Variants in RNF214 observed in about 807,000 individuals in gnomAD.
The protein encoded by RNF214 is ring finger protein 214.
In RNF214, 25 loss-of-function variants were observed where a neutral mutation model predicts 75.9. The observed-to-expected ratio is 0.33, with a 90% confidence interval of 0.24 to 0.46. The LOEUF (loss-of-function observed/expected upper bound fraction) is 0.46. Among genes scored for constraint, RNF214 ranks in the 20% least tolerant of loss-of-function variants. RNF214 has a pLI of 1.00. For missense variants in RNF214, 725 were observed against 857.5 expected (o/e 0.85, Z 1.93); for synonymous variants, 314 against 308.8 (o/e 1.02, Z -0.18).
At chr11:117,249,227 T>C (rs538245722) in intron 6 of RNF214, among the ~76,000 whole-genome samples, 121 of 152,246 alleles carry the variant, frequency 7.9e-4, no homozygotes, top group South Asian at 2.3e-3. Context: ...GCCCAGCCTT[T>C]TTTTAATTTT....
chr11:117,282,907 G>T lies in RNF214; in HGVS notation c.1950+57G>T, dbSNP rs1351341108. ...TGGAGAAGCTGGAGGTGAGGAAGGA[G>T]TGGGTTTACAGGTGGAGTGCAGGAA... On this transcript the variant is annotated intron_variant, in intron 13 of 14. Transcript: ENST00000300650. 3 of 1,393,416 alleles carry T rather than the reference G, an allele frequency of 2.2e-6. No homozygotes were observed. The African/African-American group carries it at 4.2e-5, about 20-fold the overall frequency. The allele number at this position is 1,393,416 out of a possible 1,614,324, so 86.3% of individuals were successfully genotyped here.
At position 117,282,139 on chromosome 11, in the gene RNF214, T is replaced by C. The variant is rs772795709; in HGVS notation, c.1581T>C (p.Pro527=). The C allele has an allele frequency of 6.2e-7, 1 of 1,614,020 alleles. No individual in the cohort carries two copies. Among genetic ancestry groups the C allele is most frequent in the Non-Finnish European group, 8.5e-7 (1 of 1,179,940 alleles). ...GCCCCCACGGTCCACACATGCCCCCTGCCGCCTCCATCCCACCTCCCCCAG... is the reference window on the plus strand; with the variant it reads ...GCCCCCACGGTCCACACATGCCCCCCGCCGCCTCCATCCCACCTCCCCCAG... ...LVSPHGPHMP[P]AASIPPPPGL... is the part of the protein sequence containing the mutation. Residue 527 remains proline, a synonymous_variant, in exon 11 of 15, where the codon CCT becomes CCC. Coordinates refer to ENST00000300650, the MANE Select transcript of RNF214 (RefSeq NM_207343.4).
At chr11:117,279,633 G>A (rs577055036) in intron 6 of RNF214, among the ~76,000 whole-genome samples, 6 of 152,196 alleles carry the variant, frequency 3.9e-5, no homozygotes, top group African/African-American at 1.4e-4. Flanking sequence ...CACCACGCCC[G>A]GTCACAACGT....
Position 117,281,975 on chromosome 11 carries a change from C to T in RNF214, c.1417C>T (p.Pro473Ser). The T allele has an allele frequency of 6.2e-7, 1 of 1,614,142 alleles. No individual in the cohort carries two copies. The highest frequency in any genetic ancestry group is 8.5e-7 in the Non-Finnish European group (1 of 1,180,020). ...MPFSIGQVTM[P>S]MVMPSADPRS... Reference sequence around the variant, plus strand: ...CTTCTCCATTGGGCAGGTCACAATGCCCATGGTTATGCCCAGTGCAGATCC... The same window carrying T: ...CTTCTCCATTGGGCAGGTCACAATGTCCATGGTTATGCCCAGTGCAGATCC... The change falls in exon 11 of 15, where the codon CCC becomes TCC. Residue 473 changes from proline to serine, a missense_variant. Around this residue, in one of 2 missense-constraint regions of RNF214, gnomAD observed 363 missense variants for 513.0 expected, o/e 0.71. Transcript: ENST00000300650.
rs1246194449 is a variant in RNF214, at chr11:117,285,137, C to T, written c.2098C>T (p.Pro700Ser). ...CACAAATGACACTTGTCCCTTTTGT[C>T]CAACTCTTAAATGACGGACCTGACT... ...TNTNDTCPFC[P>S]TLK Residue 700 changes from proline to serine, a missense_variant, in exon 15 of 15, where the codon CCA becomes TCA. Pro to Ser is a moderately conservative substitution (Grantham distance 74). This residue lies in a region of RNF214 where 363 missense variants were observed against 513.0 expected (regional missense o/e 0.71). Transcript: ENST00000300650. The T allele has an allele frequency of 6.2e-7, 1 of 1,611,314 alleles. No individual in the cohort carries two copies. Among genetic ancestry groups the T allele is most frequent in the Non-Finnish European group, 8.5e-7 (1 of 1,177,714 alleles).
chr11:117,259,405 A>G (rs1257378290), intron 6 of RNF214, among the ~76,000 whole-genome samples: 5 of 152,234 alleles, frequency 3.3e-5, no homozygotes, highest in Non-Finnish European at 7.3e-5. Flanking sequence ...GACTTCAAAC[A>G]TATTCTTTTA....
chr11:117,282,297 A>G, intron 11 of RNF214, 27 bp downstream of exon 11: 1 of 1,579,864 alleles, frequency 6.3e-7, no homozygotes, highest in Non-Finnish European at 8.6e-7. Context: ...ACTGATTCAG[A>G]TGTCTCTATC....
chr11:117,267,877 A>G (rs1177090417), intron 6 of RNF214, among the ~76,000 whole-genome samples: 1 of 152,226 alleles, frequency 6.6e-6, no homozygotes, highest in Non-Finnish European at 1.5e-5. Flanking sequence ...CAATTTAAAA[A>G]ATGAAAATCT....
chr11:117,260,991 A>G (rs1473818281), intron 6 of RNF214, among the ~76,000 whole-genome samples: 2 of 151,198 alleles, frequency 1.3e-5, no homozygotes, highest in African/African-American at 4.9e-5. Flanking sequence ...ATCTCTGAGT[A>G]CACACAGTTT....
chr11:117,280,009 G>GAA lies in RNF214; in HGVS notation c.1056+6_1056+7dup, dbSNP rs1286742387. 51 of 1,604,100 alleles carry GAA rather than the reference G, an allele frequency of 3.2e-5. No individual in the cohort carries two copies. The highest frequency in any genetic ancestry group is 4.3e-5 in the Non-Finnish European group (51 of 1,173,112). On this transcript the variant is annotated splice_donor_region_variant and intron_variant, in intron 7 of 14. Transcript: ENST00000300650. ...GAACGGGCCTGGAAGGCAGAGGTGAGAAGAGGAGCTGATATCTTGAAAGTC... is the reference window on the plus strand; with the variant it reads ...GAACGGGCCTGGAAGGCAGAGGTGAGAAAAGAGGAGCTGATATCTTGAAAGTC...
chr11:117,266,973 CAA>C (rs34374425), intron 6 of RNF214, among the ~76,000 whole-genome samples: 16 of 79,856 alleles, frequency 2.0e-4, no homozygotes, highest in Non-Finnish European at 2.5e-4. Context: ...TCCTGCCTCA[CAA>C]AAAAAAAAAA....
rs1198464003 is a variant in RNF214 at position 117,283,242 on chromosome 11, AC to A, written c.2046+33del. On this transcript the variant is annotated intron_variant, in intron 14 of 14. Coordinates refer to ENST00000300650, the MANE Select transcript of RNF214 (RefSeq NM_207343.4). ...GTTACAGACCTTCCTCATTTTCTACACTTTTTCTTCTGACAGCTAAAATAAT... is the reference window on the plus strand; with the variant it reads ...GTTACAGACCTTCCTCATTTTCTACATTTTTCTTCTGACAGCTAAAATAAT... The A allele has an allele frequency of 2.9e-6, 4 of 1,402,650 alleles. No homozygotes were observed. In the South Asian group the frequency reaches 4.9e-5, roughly 17 times the overall value. 86.9% of individuals were successfully genotyped at this position (1,402,650 alleles called of 1,614,324 possible). A position where few individuals can be genotyped will look rare whatever the true frequency, so the allele number is the denominator to read the frequency against.
At position 117,285,001 on chromosome 11, in the gene RNF214, G is replaced by A. The variant is rs992840076; in HGVS notation, c.2047-85G>A. 4.2e-6 allele frequency: 4 copies of A among 951,062 alleles called. No individual in the cohort carries two copies. The African/African-American group carries it at 4.9e-5, about 12-fold the overall frequency. 58.9% of individuals were successfully genotyped at this position (951,062 alleles called of 1,614,324 possible). ...CAGTGTAAGAACTTTTCTGACTTAG[G>A]CCTTGTTGAACCTTATTGGCATTCT... On this transcript the variant is annotated intron_variant, in intron 14 of 14. Coordinates refer to ENST00000300650, the MANE Select transcript of RNF214 (RefSeq NM_207343.4).
At chr11:117,280,300 T>C in intron 8 of RNF214, 41 bp downstream of exon 8, 1 of 1,205,120 alleles carries the variant, frequency 8.3e-7, no homozygotes, top group South Asian at 1.3e-5. Context: ...TGTTTTGCAG[T>C]TTGTTTGTTT....
intron 6 of RNF214, among the ~76,000 whole-genome samples, chr11:117,269,262 A>G (rs1485336492): frequency 6.6e-6 from 1 of 152,202 alleles, no homozygotes; most frequent in Admixed American, 6.6e-5. Flanking sequence ...GAAAAATAAA[A>G]AAAAGAATGA....
At chr11:117,265,663 C>T (rs1044557048) in intron 6 of RNF214, among the ~76,000 whole-genome samples, 8 of 152,176 alleles carry the variant, frequency 5.3e-5, no homozygotes, top group African/African-American at 1.9e-4. Flanking sequence ...GATCCGCTCG[C>T]CTTGGCCTCC....
At position 117,249,139 on chromosome 11, in the gene RNF214, A is replaced by G. The variant is rs547074279; in HGVS notation, c.959+2191A>G. Among the ~76,000 whole-genome samples the G allele has an allele frequency of 8.5e-5, 13 of 152,228 alleles. No homozygotes were observed. The South Asian group carries it at 2.7e-3, about 32-fold the overall frequency. On this transcript the variant is annotated intron_variant, in intron 6 of 14. Transcript: ENST00000300650. ...GAGAATCTCACTCGTTGACCAGGCT[A>G]ATCTCAAACTTCTGGCTTCAAGCGA...
intron 6 of RNF214, among the ~76,000 whole-genome samples, chr11:117,252,536 T>C (rs2134378713): frequency 6.6e-6 from 1 of 152,328 alleles, no homozygotes; most frequent in South Asian, 2.1e-4. Flanking sequence ...ATTTTTTTTT[T>C]TTGAGACGGA....
intron 6 of RNF214, among the ~76,000 whole-genome samples, chr11:117,251,390 C>A (rs866790118): frequency 8.5e-5 from 12 of 141,450 alleles, no homozygotes; most frequent in Middle Eastern, 3.9e-3. Flanking sequence ...CTGACCCCCC[C>A]ACCTCCCTCC....
Sources: allele counts gnomAD v4.1 joint callset (sites outside exome capture counted in the v4.1 genomes callset), GRCh38; gene constraint gnomAD v4.1.1; regional missense constraint gnomAD v4.1.1; transcripts MANE v1.5; gene names NCBI Gene and HGNC (gene_info 2026-07-23, HGNC 2026-07-21).